PACS2: variants seen among roughly 807,000 people sequenced by gnomAD.
PACS2 encodes phosphofurin acidic cluster sorting protein 2.
PACS2 carries 36 observed loss-of-function variants against 113.0 expected under a neutral mutation model. The observed-to-expected ratio is 0.32, with a 90% CI of 0.24 to 0.42. The LOEUF (loss-of-function observed/expected upper bound fraction) is 0.42, where lower values mean the gene tolerates loss of function less well. Among genes scored for constraint, PACS2 ranks in the 10% least tolerant of loss-of-function variants. The probability of loss-of-function intolerance (pLI) is 1.00; values close to 1 mark genes in which losing one functional copy is unlikely to be tolerated. For missense variants in PACS2, 1,015 were observed against 1,239.5 expected, an observed-to-expected ratio of 0.82 and a Z score of 2.72; for synonymous variants, 589 against 536.1, an observed-to-expected ratio of 1.10 and a Z score of -1.36.
chr14:105,344,010 G>T (rs1470033731), intron 1 of PACS2, among the ~76,000 whole-genome samples: 1 of 149,790 alleles, frequency 6.7e-6, no homozygotes, highest in Non-Finnish European at 1.5e-5. Flanking sequence ...CAGATCACTC[G>T]AGGCCAGGAG....
intron 5 of PACS2, 98 bp from the exon 6 acceptor site, chr14:105,367,976 G>T (rs2060999498): frequency 1.3e-6 from 1 of 788,194 alleles, no homozygotes; most frequent in Admixed American, 1.9e-5. Flanking sequence ...CCTCCTCGCT[G>T]CCCCCACTCT....
rs2058963307 is a variant in PACS2, at chr14:105,323,140, G to T, written c.119+8103G>T. ...TCCTGGTGTGGGTTCTCTTGTGATT[G>T]CCTGAGTCGGGGTTACTAGACTTGC... On this transcript the variant is annotated intron_variant, in intron 1 of 24. Coordinates refer to ENST00000447393, the MANE Select transcript of PACS2 (RefSeq NM_001100913.3). This position sits in a 1 kb window ranked among gnomAD's most constrained non-coding sequence, Gnocchi z 4.1. Among the ~76,000 whole-genome samples, 1 of 152,214 alleles carries T rather than the reference G, an allele frequency of 6.6e-6. No homozygotes were observed. The highest frequency in any genetic ancestry group is 2.1e-4 in the South Asian group (1 of 4,834).
chr14:105,379,168 G>A (rs1193297736), intron 9 of PACS2, among the ~76,000 whole-genome samples: 2 of 152,218 alleles, frequency 1.3e-5, no homozygotes, highest in Non-Finnish European at 2.9e-5. Flanking sequence ...AGTGTGGATA[G>A]TGTGGAAAGG....
At chr14:105,313,810 TCTG>T (rs1440036036), upstream of PACS2, among the ~76,000 whole-genome samples, 1 of 152,218 alleles carries the variant, frequency 6.6e-6, no homozygotes, top group Non-Finnish European at 1.5e-5. Flanking sequence ...CGGCTTGGCA[TCTG>T]GTGCTGGACC....
rs1171883932 is a variant in PACS2, at chr14:105,355,964, G to C, written c.423+787G>C. The stretch of plus-strand genomic sequence containing the variant: ...GTGGGGTTGTGTTCAGGGGTCCAGG[G>C]GCTGCGGGCGTGAGTGGTGCTTGGG... On this transcript the variant is annotated intron_variant, in intron 4 of 24. Transcript: ENST00000447393. This position sits in a 1 kb window ranked among gnomAD's most constrained non-coding sequence, Gnocchi z 4.1. 6.6e-6 allele frequency among the ~76,000 whole-genome samples: 1 copy of C among 152,154 alleles called. No homozygotes were observed. Among genetic ancestry groups the C allele is most frequent in the Non-Finnish European group, 1.5e-5 (1 of 68,022 alleles).
At chr14:105,361,980 G>T (rs971610173) in intron 4 of PACS2, among the ~76,000 whole-genome samples, 16 of 151,862 alleles carry the variant, frequency 1.1e-4, no homozygotes, top group African/African-American at 3.6e-4. Context: ...CGAATTAGTG[G>T]AGTGTGGTGG....
rs927316154 is a variant in PACS2 at position 105,317,086 on chromosome 14, T to C, written c.119+2049T>C. Among the ~76,000 whole-genome samples, 2 of 152,186 alleles carry C rather than the reference T, an allele frequency of 1.3e-5. No individual in the cohort carries two copies. The highest frequency in any genetic ancestry group is 2.9e-5 in the Non-Finnish European group (2 of 68,026). ...CGGACAGTCTGCTACTTAGTTTTGC[T>C]TTGTTCCTCCTGAGTTCTTCTGTAC... On this transcript the variant is annotated intron_variant, in intron 1 of 24. Transcript: ENST00000447393. This position sits in a 1 kb window ranked among gnomAD's most constrained non-coding sequence, Gnocchi z 4.2.
At chr14:105,382,786 C>T (rs370585180) in intron 14 of PACS2, 21 bp from the exon 15 acceptor site, 46 of 1,480,922 alleles carry the variant, frequency 3.1e-5, no homozygotes, top group East Asian at 4.6e-5. Context: ...CCGAAGTCAG[C>T]GTCTGCCTGT....
At chr14:105,338,627 C>G (rs144951000) in intron 1 of PACS2, among the ~76,000 whole-genome samples, 3 of 152,280 alleles carry the variant, frequency 2.0e-5, no homozygotes, top group African/African-American at 7.2e-5. Context: ...ACCTCCCGTT[C>G]CCAGGTCATC....
chr14:105,372,793 T>C (rs2061203975), intron 8 of PACS2: 1 of 152,064 alleles, frequency 6.6e-6, no homozygotes, highest in Admixed American at 6.6e-5. Flanking sequence ...TCCCAGCTAC[T>C]TGGGAGGCAG....
chr14:105,366,803 G>A lies in PACS2; in HGVS notation c.424-410G>A, dbSNP rs2060957216. 6.6e-6 allele frequency among the ~76,000 whole-genome samples: 1 copy of A among 152,178 alleles called. No individual in the cohort carries two copies. The highest frequency in any genetic ancestry group is 6.5e-5 in the Admixed American group (1 of 15,280). ...GGTGGAGGGTGGAGGCAGGGTTGGAGCAGGGGGCCAGGATCTTCCTGGGTG... is the reference window on the plus strand; with the variant it reads ...GGTGGAGGGTGGAGGCAGGGTTGGAACAGGGGGCCAGGATCTTCCTGGGTG... On this transcript the variant is annotated intron_variant, in intron 4 of 24. Transcript: ENST00000447393. This position sits in a 1 kb window ranked among gnomAD's most constrained non-coding sequence, Gnocchi z 4.3.
rs782736529 is a variant in PACS2 at position 105,381,918 on chromosome 14, G to A, written c.1273G>A (p.Glu425Lys). Residue 425 changes from glutamate (E) to lysine (K), a missense_variant, in exon 13 of 25, where the codon GAG becomes AAG. By Grantham distance (56) the Glu-to-Lys change is moderately conservative. Transcript: ENST00000447393. The part of the protein sequence containing the change: ...ESLVIPSTRS[E>K]GKQAGRRGRS... ...GCCTGTCCTGGTCCCCAATAGGTCCGAGGGGAAGCAGGCTGGCCGACGGGG... is the reference window on the plus strand; with the variant it reads ...GCCTGTCCTGGTCCCCAATAGGTCCAAGGGGAAGCAGGCTGGCCGACGGGG... 22 of 1,551,326 alleles carry A rather than the reference G, an allele frequency of 1.4e-5. No homozygotes were observed. Among genetic ancestry groups the A allele is most frequent in the South Asian group, 1.2e-4 (10 of 84,044 alleles).
At chr14:105,380,254 C>T (rs2080934848) in intron 11 of PACS2, 100 bp downstream of exon 11, 3 of 959,622 alleles carry the variant, frequency 3.1e-6, no homozygotes, top group East Asian at 2.6e-5. Flanking sequence ...CATATAGGTC[C>T]TCATGTCACA....
chr14:105,313,684 G>T (rs1339651990), upstream of PACS2, among the ~76,000 whole-genome samples: 1 of 152,202 alleles, frequency 6.6e-6, no homozygotes, highest in Non-Finnish European at 1.5e-5. Context: ...GCTCGGGCTG[G>T]ATTTGTTTCA....
rs146348312 is a variant in PACS2, at chr14:105,381,278, T to C, written c.1268+179T>C. 1.9e-3 allele frequency among the ~76,000 whole-genome samples: 294 copies of C among 152,270 alleles called. 3 individuals carry two copies. The highest frequency in any genetic ancestry group is 6.7e-3 in the African/African-American group (277 of 41,564). On this transcript the variant is annotated intron_variant, in intron 12 of 24. Transcript: ENST00000447393. ...GAGAAGCAAACCCCCTGGCCCGGCA[T>C]TGGGTGTCAAGCCTGCAGCCCCAGA...
In PACS2 at chr14:105,355,132, C is replaced by A. The variant is rs1003006997; in HGVS notation, c.378C>A (p.Ile126=). The A allele has an allele frequency of 1.9e-6, 3 of 1,613,618 alleles. No homozygotes were observed. In the Admixed American group the frequency reaches 5.0e-5, roughly 27 times the overall value. ...QRRKRYKNRT[I]LGYKTLAAGS... ...GAAAGCGCTACAAGAACAGAACCATCCTGGGCTACAAGACGCTGGCCGCGG... is the reference window on the plus strand; with the variant it reads ...GAAAGCGCTACAAGAACAGAACCATACTGGGCTACAAGACGCTGGCCGCGG... Residue 126 remains isoleucine (I), a synonymous_variant, in exon 4 of 25, where the codon ATC becomes ATA. Coordinates refer to ENST00000447393, the MANE Select transcript of PACS2 (RefSeq NM_001100913.3). This position sits in a 1 kb window ranked among gnomAD's most constrained non-coding sequence, Gnocchi z 4.1.
chr14:105,326,922 G>C (rs1237783209), intron 1 of PACS2, among the ~76,000 whole-genome samples: 4 of 152,194 alleles, frequency 2.6e-5, no homozygotes, highest in Non-Finnish European at 5.9e-5. Flanking sequence ...GCAGTTTCCA[G>C]CTTGGCCCTG....
In PACS2 at chr14:105,317,171, G is replaced by A. The variant is rs1418754250; in HGVS notation, c.119+2134G>A. ...TGCGTGTGTGCTGATGCCTTTCGGC[G>A]TGTTCACTGCTGCGTACTATTCACT... On this transcript the variant is annotated intron_variant, in intron 1 of 24. Coordinates refer to ENST00000447393, the MANE Select transcript of PACS2 (RefSeq NM_001100913.3). The surrounding 1 kb of genome is among the most constrained non-coding windows in gnomAD (Gnocchi z 4.2). 2.6e-5 allele frequency among the ~76,000 whole-genome samples: 4 copies of A among 152,218 alleles called. No homozygotes were observed. Among genetic ancestry groups the A allele is most frequent in the East Asian group, 1.9e-4 (1 of 5,200 alleles).
At chr14:105,333,418 G>A (rs1254130243) in intron 1 of PACS2, among the ~76,000 whole-genome samples, 3 of 152,244 alleles carry the variant, frequency 2.0e-5, no homozygotes, top group African/African-American at 7.2e-5. Flanking sequence ...CAGTCCTGGG[G>A]TGCTGGACAG....
Sources: allele counts gnomAD v4.1 joint callset (sites outside exome capture counted in the v4.1 genomes callset), GRCh38; gene constraint gnomAD v4.1.1; non-coding constraint Gnocchi (gnomAD v3.1); transcripts MANE v1.5; gene names NCBI Gene and HGNC (gene_info 2026-07-23, HGNC 2026-07-21).